DTNA: variants seen among roughly 807,000 people sequenced by gnomAD.
DTNA encodes dystrophin-related protein 3.
In DTNA, 43 loss-of-function variants were observed where a neutral mutation model predicts 100.7. The ratio of observed to expected loss-of-function variants is 0.43; its 90% CI spans 0.33 to 0.55. The LOEUF is 0.55. DTNA is among the 20% of genes least tolerant of loss of function. DTNA has a pLI of 0.04. For synonymous variants in DTNA, 349 were observed against 347.9 expected (o/e 1.00, Z -0.04); for missense variants, 798 against 953.9 (o/e 0.84, Z 2.15).
At chr18:34,634,685 G>T (rs2058466119) in intron 1 of DTNA, among the ~76,000 whole-genome samples, 1 of 151,938 alleles carries the variant, frequency 6.6e-6, no homozygotes, top group African/African-American at 2.4e-5. Flanking sequence ...CTCAAAAAGT[G>T]GTTGTTTCTT....
At chr18:34,554,683 A>G (rs2045837093) in intron 1 of DTNA, among the ~76,000 whole-genome samples, 1 of 145,532 alleles carries the variant, frequency 6.9e-6, no homozygotes. Flanking sequence ...ACATTTATTG[A>G]TTTGCGTATA....
chr18:34,783,158 G>A (rs925760878), intron 3 of DTNA, among the ~76,000 whole-genome samples: 3 of 151,994 alleles, frequency 2.0e-5, no homozygotes, highest in Non-Finnish European at 4.4e-5. Flanking sequence ...GTAATCCTTG[G>A]TATAATACTT....
In DTNA at chr18:34,791,406, A is replaced by G. The variant is rs113152090; in HGVS notation, c.149-2631A>G. ...ATGTCATCAGCACTGCTTTCTTTGC[A>G]TCCTGCACCCAGACACATCCTGATG... On this transcript the variant is annotated intron_variant, in intron 3 of 22. Coordinates refer to ENST00000444659, the MANE Select transcript of DTNA (RefSeq NM_001386795.1). 6.3e-3 allele frequency among the ~76,000 whole-genome samples: 964 copies of G among 152,286 alleles called. 15 individuals carry two copies. Among genetic ancestry groups the G allele is most frequent in the African/African-American group, 0.022 (899 of 41,552 alleles).
intron 4 of DTNA, among the ~76,000 whole-genome samples, chr18:34,802,924 T>G (rs1014725098): frequency 3.9e-5 from 6 of 152,192 alleles, no homozygotes; most frequent in African/African-American, 1.4e-4. Flanking sequence ...GCCCCCTCTT[T>G]AAAATTGGAC....
intron 1 of DTNA, among the ~76,000 whole-genome samples, chr18:34,652,083 AAAG>A (rs1205412284): frequency 6.0e-5 from 9 of 151,206 alleles, no homozygotes; most frequent in Non-Finnish European, 1.2e-4. Context: ...AGAAAAGAAA[AAAG>A]GAAGGAAGGA....
chr18:34,666,756 C>G lies in DTNA; in HGVS notation c.-1-89220C>G, dbSNP rs867874170. ...TAGATGTGTGGTATTATTTCTGAGGCCTCTGTTCTGTTCCATTGGTCTACA... is the reference window on the plus strand; with the variant it reads ...TAGATGTGTGGTATTATTTCTGAGGGCTCTGTTCTGTTCCATTGGTCTACA... On this transcript the variant is annotated intron_variant, in intron 1 of 19. Coordinates refer to the DTNA transcript ENST00000283365. Among the ~76,000 whole-genome samples, 29 of 152,064 alleles carry G rather than the reference C, an allele frequency of 1.9e-4. No individual in the cohort carries two copies. The Middle Eastern group carries it at 0.017, about 90-fold the overall frequency.
At chr18:34,854,328 G>A (rs1040807366) in intron 15 of DTNA, among the ~76,000 whole-genome samples, 30 of 152,194 alleles carry the variant, frequency 2.0e-4, no homozygotes, top group African/African-American at 7.2e-4. Flanking sequence ...CTCAGCAAAT[G>A]TCAGAATTGG....
intron 1 of DTNA, among the ~76,000 whole-genome samples, chr18:34,697,821 T>TGTA (rs1193198585): frequency 6.6e-6 from 1 of 152,046 alleles, no homozygotes; most frequent in East Asian, 1.9e-4. Context: ...TCTGAACTAC[T>TGTA]GGAAGAGCAA....
intron 1 of DTNA, among the ~76,000 whole-genome samples, chr18:34,617,554 A>G (rs1373745832): frequency 1.3e-5 from 2 of 151,924 alleles, no homozygotes; most frequent in East Asian, 1.9e-4. Context: ...TTTTGCATCT[A>G]TTTTCATCAA....
chr18:34,547,762 G>A (rs1183999551), intron 1 of DTNA, among the ~76,000 whole-genome samples: 2 of 152,036 alleles, frequency 1.3e-5, no homozygotes, highest in Admixed American at 6.6e-5. Context: ...AAAGACATAC[G>A]ACTGAGCTTA....
chr18:34,851,168 A>G (rs1385059904), intron 14 of DTNA, among the ~76,000 whole-genome samples: 1 of 152,122 alleles, frequency 6.6e-6, no homozygotes, highest in Non-Finnish European at 1.5e-5. Context: ...CAGTGGCATG[A>G]CCTCAGCTCA....
chr18:34,565,573 C>T (rs2047011621), intron 1 of DTNA, among the ~76,000 whole-genome samples: 1 of 152,192 alleles, frequency 6.6e-6, no homozygotes, highest in Non-Finnish European at 1.5e-5. Flanking sequence ...GGTGGTTCCT[C>T]CCTTGCCTCT....
chr18:34,777,767 T>C (rs2094131897), intron 3 of DTNA, among the ~76,000 whole-genome samples: 1 of 152,178 alleles, frequency 6.6e-6, no homozygotes, highest in South Asian at 2.1e-4. Context: ...TGGGGGAAAC[T>C]GCCCCCATGA....
intron 15 of DTNA, among the ~76,000 whole-genome samples, chr18:34,853,591 C>T (rs944112533): frequency 3.3e-5 from 5 of 152,032 alleles, no homozygotes; most frequent in Admixed American, 6.6e-5. Flanking sequence ...ATGACTCCAT[C>T]GCCTTTGAAA....
intron 17 of DTNA, chr18:34,866,101 C>A (rs2096699876): frequency 6.2e-7 from 1 of 1,613,942 alleles, no homozygotes; most frequent in Admixed American, 1.7e-5. Context: ...TTGATTCAAT[C>A]TTTCTGTAGG....
At chr18:34,818,963 G>A (rs2095652249) in intron 8 of DTNA, among the ~76,000 whole-genome samples, 1 of 152,132 alleles carries the variant, frequency 6.6e-6, no homozygotes, top group African/African-American at 2.4e-5. Context: ...GTCTGTGGGA[G>A]GAAATGTGAC....
At chr18:34,768,064 C>A (rs1327317889) in intron 3 of DTNA, among the ~76,000 whole-genome samples, 1 of 152,122 alleles carries the variant, frequency 6.6e-6, no homozygotes, top group Non-Finnish European at 1.5e-5. Flanking sequence ...TCAAACACAT[C>A]ACCCAGATTA....
At chr18:34,644,833 A>G (rs1333845730) in intron 1 of DTNA, among the ~76,000 whole-genome samples, 2 of 152,152 alleles carry the variant, frequency 1.3e-5, no homozygotes, top group Admixed American at 1.3e-4. Flanking sequence ...CCATTATTAC[A>G]ATAAATATGA....
intron 5 of DTNA, among the ~76,000 whole-genome samples, chr18:34,810,715 G>A (rs2095469961): frequency 6.6e-6 from 1 of 152,098 alleles, no homozygotes; most frequent in African/African-American, 2.4e-5. Context: ...CCAATACAAA[G>A]AAATGATAAA....
Sources: gnomAD v4.1 joint callset for allele counts (sites outside exome capture counted in the v4.1 genomes callset) on GRCh38, gnomAD v4.1.1 for gene constraint, MANE v1.5 for transcripts, NCBI Gene and HGNC (gene_info 2026-07-23, HGNC 2026-07-21) for gene names.